The following ADGRG1 variants were observed in gnomAD, a reference collection of about 807,000 sequenced individuals.
The protein encoded by ADGRG1 is adhesion G protein-coupled receptor G1, also known as 7-transmembrane protein with no EGF-like N-terminal domains-1.
In ADGRG1, 53 loss-of-function variants were observed where a neutral mutation model predicts 73.5. The ratio of observed to expected loss-of-function variants is 0.72; its 90% CI spans 0.58 to 0.91. ADGRG1 has a LOEUF of 0.91. ADGRG1 is among the 40% of genes least tolerant of loss of function. The pLI, the probability that ADGRG1 is intolerant of heterozygous loss-of-function variation, is 0.00. For synonymous variants in ADGRG1, 394 were observed against 374.4 expected, an observed-to-expected ratio of 1.05 and a Z score of -0.60; for missense variants, 795 against 871.8, an observed-to-expected ratio of 0.91 and a Z score of 1.11.
upstream of ADGRG1, chr16:57,628,138 C>CA: frequency 7.1e-6 from 7 of 985,364 alleles, no homozygotes; most frequent in South Asian, 4.7e-5. Flanking sequence ...GCCTGTCACC[C>CA]GCTCCCTCCC....
At chr16:57,628,223 G>A (rs1174997795), upstream of ADGRG1, 1 of 972,236 alleles carries the variant, frequency 1.0e-6, no homozygotes, top group East Asian at 1.1e-4. Context: ...TTCAGGAAAG[G>A]GCAGTTGTCG....
intron 3 of ADGRG1, chr16:57,652,146 G>A: frequency 9.8e-7 from 1 of 1,017,900 alleles, no homozygotes; most frequent in African/African-American, 1.7e-5. Flanking sequence ...GTGAGGGGCG[G>A]AGTATGAGAG....
chr16:57,629,141 G>A, intron 1 of ADGRG1: 4 of 983,340 alleles, frequency 4.1e-6, no homozygotes, highest in Non-Finnish European at 4.8e-6. Context: ...TTGGACAGTG[G>A]GTAGGGATGG....
upstream of ADGRG1, chr16:57,622,975 C>T (rs1235753702): frequency 2.0e-6 from 2 of 985,274 alleles, no homozygotes; most frequent in Non-Finnish European, 2.4e-6. Context: ...GCATCTGGCT[C>T]AAGGCCATTT....
intron 12 of ADGRG1, 21 bp from the exon 13 acceptor site, chr16:57,661,676 C>A: frequency 1.2e-6 from 2 of 1,609,012 alleles, no homozygotes; most frequent in Non-Finnish European, 1.7e-6. Flanking sequence ...ACACGCTGAG[C>A]CCTCCTGCCT....
At chr16:57,620,378 C>A (rs2034538238), upstream of ADGRG1, among the ~76,000 whole-genome samples, 1 of 152,202 alleles carries the variant, frequency 6.6e-6, no homozygotes, top group African/African-American at 2.4e-5. Flanking sequence ...GTCATCCTAG[C>A]ACCGGGAAGC....
At chr16:57,662,947 G>A in intron 13 of ADGRG1, 1 of 985,370 alleles carries the variant, frequency 1.0e-6, no homozygotes, top group African/African-American at 1.7e-5. Context: ...GTGGGGAGAT[G>A]TTACCACATT....
chr16:57,660,656 T>C, intron 11 of ADGRG1, 112 bp from the exon 12 acceptor site: 1 of 1,519,796 alleles, frequency 6.6e-7, no homozygotes, highest in Non-Finnish European at 8.9e-7. Flanking sequence ...TGGGTGGGCT[T>C]CAGGAGCCCA....
At chr16:57,645,209 G>A (rs1261782886) in intron 1 of ADGRG1, 1 of 985,332 alleles carries the variant, frequency 1.0e-6, no homozygotes, top group Non-Finnish European at 1.2e-6. Context: ...CGGACGGGAG[G>A]GGAGCTAGGG....
intron 1 of ADGRG1, chr16:57,641,675 C>T (rs2040870242): frequency 7.6e-6 from 3 of 392,466 alleles, no homozygotes; most frequent in Non-Finnish European, 1.0e-5. Flanking sequence ...AAGTGATTCT[C>T]ATGCCTCAGC....
chr16:57,630,177 G>C (rs1017430706), intron 1 of ADGRG1: 29 of 395,458 alleles, frequency 7.3e-5, no homozygotes, highest in Non-Finnish European at 9.3e-5. Context: ...CAAGCCCCCT[G>C]CCCCTCCCAG....
At chr16:57,632,929 G>A (rs1461488555) in intron 1 of ADGRG1, 17 of 985,294 alleles carry the variant, frequency 1.7e-5, no homozygotes, top group South Asian at 9.4e-5. Flanking sequence ...TCCCAGACTC[G>A]GGGCCACTTA....
At chr16:57,628,567 G>A, upstream of ADGRG1, 4 of 985,574 alleles carry the variant, frequency 4.1e-6, no homozygotes, top group Non-Finnish European at 3.6e-6. Context: ...GGAGGAGGGA[G>A]GAGCCCAGCT....
In ADGRG1 at chr16:57,651,232, C is replaced by A. The variant is rs776480483; in HGVS notation, c.97C>A (p.Arg33Ser). The A allele has an allele frequency of 3.7e-6, 6 of 1,614,188 alleles. No homozygotes were observed. Among genetic ancestry groups the A allele is most frequent in the Non-Finnish European group, 5.1e-6 (6 of 1,180,018 alleles). The change falls in exon 3 of 14, where the codon CGC (arginine) becomes AGC (serine). Residue 33 changes from arginine (R) to serine (S), a missense_variant. By Grantham distance (110) the Arg-to-Ser change is moderately radical. Transcript: ENST00000562631. ...AHGRGHREDF[R>S]FCSQRNQTHR... The stretch of plus-strand genomic sequence containing the variant: ...CGGCAGGGGCCACAGGGAAGACTTT[C>A]GCTTCTGCAGCCAGCGGAACCAGAC...
rs1214781601 is a variant in ADGRG1, at chr16:57,641,258, A to G, written c.-35-8995A>G. The G allele has an allele frequency of 3.1e-6, 3 of 980,898 alleles. No individual in the cohort carries two copies. In the East Asian group the frequency reaches 3.4e-4, roughly 112 times the overall value. 60.8% of individuals were successfully genotyped at this position (980,898 alleles called of 1,614,324 possible). On this transcript the variant is annotated intron_variant, in intron 1 of 13. Coordinates refer to ENST00000562631, the MANE Select transcript of ADGRG1 (RefSeq NM_201525.4). Reference sequence around the variant, plus strand: ...AGCTTGTCTGAACCTTATGCCCCTAACTCCTGCCACCCCTGCTCTAGGCAT... The same window carrying G: ...AGCTTGTCTGAACCTTATGCCCCTAGCTCCTGCCACCCCTGCTCTAGGCAT...
intron 9 of ADGRG1, among the ~76,000 whole-genome samples, chr16:57,657,113 G>A (rs2045926502): frequency 6.6e-6 from 1 of 152,226 alleles, no homozygotes; most frequent in Non-Finnish European, 1.5e-5. Flanking sequence ...AATAATCAAT[G>A]CCAGGACAGA....
chr16:57,625,592 C>A (rs528787884), upstream of ADGRG1: 16 of 979,866 alleles, frequency 1.6e-5, no homozygotes, highest in Non-Finnish European at 1.7e-5. Context: ...AAGTCCCTGG[C>A]GTCTAGACCA....
intron 3 of ADGRG1, 198 bp from the exon 4 acceptor site, chr16:57,653,005 T>C: frequency 3.5e-6 from 5 of 1,442,168 alleles, no homozygotes; most frequent in Non-Finnish European, 3.6e-6. Context: ...GCGGGTTCTG[T>C]AAGACACAAC....
intron 1 of ADGRG1, chr16:57,648,403 C>T: frequency 1.0e-6 from 1 of 958,976 alleles, no homozygotes; most frequent in Non-Finnish European, 1.2e-6. Flanking sequence ...TCTCAAAGGG[C>T]TCTGTGATGC....
Sources: gnomAD v4.1 joint callset for allele counts (sites outside exome capture counted in the v4.1 genomes callset) on GRCh38, gnomAD v4.1.1 for gene constraint, MANE v1.5 for transcripts, NCBI Gene and HGNC (gene_info 2026-07-23, HGNC 2026-07-21) for gene names.